SEC22B: variants seen among roughly 807,000 people sequenced by gnomAD.
The protein encoded by SEC22B is SEC22 homolog B, vesicle trafficking protein, also known as vesicle-trafficking protein SEC22b.
In SEC22B, 10 loss-of-function variants were observed where a neutral mutation model predicts 31.4. The ratio of observed to expected loss-of-function variants is 0.32; its 90% CI spans 0.20 to 0.54. The LOEUF is 0.54. Among genes scored for constraint, SEC22B ranks in the 20% least tolerant of loss-of-function variants. The pLI, the probability that SEC22B is intolerant of heterozygous loss-of-function variation, is 0.94. For synonymous variants in SEC22B, 60 were observed against 95.9 expected (o/e 0.63, Z 2.19); for missense variants, 130 against 263.4 (o/e 0.49, Z 3.50).
intron 1 of SEC22B, among the ~76,000 whole-genome samples, chr1:120,170,649 TA>T (rs1657880615): frequency 3.3e-5 from 5 of 149,582 alleles, no homozygotes. Flanking sequence ...ATTTGTTATA[TA>T]TTTGAGAAAT....
chr1:120,163,041 C>G (rs1416036734), intron 3 of SEC22B, among the ~76,000 whole-genome samples, 169 bp downstream of exon 3: 4 of 152,044 alleles, frequency 2.6e-5, no homozygotes, highest in Non-Finnish European at 5.9e-5. Flanking sequence ...CAGAACAAAG[C>G]CTTAGTCACT....
rs1657580879 is a variant in SEC22B, at chr1:120,153,573, T to A, written c.*3465A>T. On this transcript the variant is annotated 3_prime_UTR_variant, in exon 5 of 5. Transcript: ENST00000578049. Reference sequence around the variant, plus strand: ...AACAATTTTTTGCTGTGGAACCAGATCCTTGAATGCACTACAGGAAAATAT... The same window carrying A: ...AACAATTTTTTGCTGTGGAACCAGAACCTTGAATGCACTACAGGAAAATAT... 7.0e-6 allele frequency: 1 copy of A among 142,674 alleles called. No homozygotes were observed. The highest frequency in any genetic ancestry group is 1.5e-5 in the Non-Finnish European group (1 of 66,830). 8.8% of individuals were successfully genotyped at this position (142,674 alleles called of 1,614,324 possible).
chr1:120,176,419 G>A lies in SEC22B; in HGVS notation c.-38C>T, dbSNP rs1553230226. On this transcript the variant is annotated 5_prime_UTR_variant, in exon 1 of 5. Transcript: ENST00000578049. The stretch of plus-strand genomic sequence containing the variant: ...CAGGGATCCAACACTGGCCCGGAAG[G>A]CCCTTGGCGCCGTCCTCACTTCCTC... The A allele has an allele frequency of 3.2e-6, 5 of 1,584,492 alleles. No homozygotes were observed. The highest frequency in any genetic ancestry group is 4.3e-6 in the Non-Finnish European group (5 of 1,155,344).
chr1:120,155,912 G>A lies in SEC22B; in HGVS notation c.*1126C>T, dbSNP rs1241273995. On this transcript the variant is annotated 3_prime_UTR_variant, in exon 5 of 5. Coordinates refer to ENST00000578049, the MANE Select transcript of SEC22B (RefSeq NM_004892.6). ...CAGAACATTCTCAGAGAATTTACAC[G>A]AACTAAAACAGGAATGAAGTGCTCT... 10 of 151,190 alleles carry A rather than the reference G, an allele frequency of 6.6e-5. No individual in the cohort carries two copies. Among genetic ancestry groups the A allele is most frequent in the East Asian group, 2.0e-4 (1 of 5,120 alleles). 9.4% of individuals were successfully genotyped at this position (151,190 alleles called of 1,614,324 possible).
At chr1:120,166,997 C>T (rs1305967376) in intron 2 of SEC22B, among the ~76,000 whole-genome samples, 48 of 142,126 alleles carry the variant, frequency 3.4e-4, no homozygotes, top group African/African-American at 1.3e-3. Context: ...TACTCCCATC[C>T]TTGCCCTTTC....
At chr1:120,166,420 C>CACACACACAT (rs1553229709) in intron 2 of SEC22B, among the ~76,000 whole-genome samples, 328 of 149,244 alleles carry the variant, frequency 2.2e-3, no homozygotes, top group African/African-American at 6.8e-3. Context: ...CACACACACA[C>CACACACACAT]ACACACACAC....
In SEC22B at chr1:120,151,499, C is replaced by G. The variant is rs1450017422; in HGVS notation, c.*5539G>C. 1 of 152,140 alleles carries G rather than the reference C, an allele frequency of 6.6e-6. No individual in the cohort carries two copies. The highest frequency in any genetic ancestry group is 2.4e-5 in the African/African-American group (1 of 41,398). The allele number at this position is 152,140 out of a possible 1,614,324, so 9.4% of individuals were successfully genotyped here. A position where few individuals can be genotyped will look rare whatever the true frequency, so the allele number is the denominator to read the frequency against. ...AGTTCAAGACGGTGAAACTCCATCT[C>G]TACTAAAAATACAAAAATTAGCCAG... is the stretch of plus-strand genomic sequence containing the variant. On this transcript the variant is annotated 3_prime_UTR_variant, in exon 5 of 5. Coordinates refer to ENST00000578049, the MANE Select transcript of SEC22B (RefSeq NM_004892.6).
In SEC22B at chr1:120,156,322, T is replaced by C. The variant is rs1182739425; in HGVS notation, c.*716A>G. 2 of 151,700 alleles carry C rather than the reference T, an allele frequency of 1.3e-5. No individual in the cohort carries two copies. Among genetic ancestry groups the C allele is most frequent in the Non-Finnish European group, 2.9e-5 (2 of 67,872 alleles). The allele number at this position is 151,700 out of a possible 1,614,324, so 9.4% of individuals were successfully genotyped here. A position where few individuals can be genotyped will look rare whatever the true frequency, so the allele number is the denominator to read the frequency against. ...AATGACCCAAACTAATTTAAGTCTT[T>C]TGTTTAAGGAGTAAATGAGAGAAAC... is the stretch of plus-strand genomic sequence containing the variant. On this transcript the variant is annotated 3_prime_UTR_variant, in exon 5 of 5. Transcript: ENST00000578049.
chr1:120,167,702 C>G (rs1215439862), intron 2 of SEC22B, among the ~76,000 whole-genome samples: 147 of 151,912 alleles, frequency 9.7e-4, no homozygotes, highest in Non-Finnish European at 1.8e-3. Flanking sequence ...AAATGCAGGA[C>G]TCAATATAAG....
At chr1:120,162,867 C>A (rs1657741432) in intron 3 of SEC22B, among the ~76,000 whole-genome samples, 1 of 151,920 alleles carries the variant, frequency 6.6e-6, no homozygotes, top group Non-Finnish European at 1.5e-5. Flanking sequence ...AGTCTGTGGA[C>A]TGGGGTAAAG....
At chr1:120,176,122 C>T (rs1168073346) in intron 1 of SEC22B, among the ~76,000 whole-genome samples, 185 bp downstream of exon 1, 1 of 152,206 alleles carries the variant, frequency 6.6e-6, no homozygotes, top group Non-Finnish European at 1.5e-5. Context: ...CTTAACTCCT[C>T]CTTCAGGAAA....
Position 120,176,338 on chromosome 1 carries a change from G to C in SEC22B, c.44C>G (p.Pro15Arg). 1 of 1,612,690 alleles carries C rather than the reference G, an allele frequency of 6.2e-7. No homozygotes were observed. The highest frequency in any genetic ancestry group is 8.5e-7 in the Non-Finnish European group (1 of 1,179,750). ...TMIARVADGLPLAASMQEDEQ... is the reference protein window; with the variant it reads ...TMIARVADGLRLAASMQEDEQ... ...GTCCTCCTGCATCGAGGCGGCCAGC[G>C]GGAGCCCGTCCGCCACTCGGGCGAT... The change falls in exon 1 of 5, where the codon CCG becomes CGG. Residue 15 changes from proline (P) to arginine (R), a missense_variant. Physicochemically the swap from Pro to Arg is moderately radical, Grantham distance 103 (BLOSUM62 -2). This residue lies in a region of SEC22B where 32 missense variants were observed against 26.3 expected (regional missense o/e 1.22). Coordinates refer to ENST00000578049, the MANE Select transcript of SEC22B (RefSeq NM_004892.6).
At chr1:120,166,775 CT>C (rs1657819413) in intron 2 of SEC22B, among the ~76,000 whole-genome samples, 7 of 149,010 alleles carry the variant, frequency 4.7e-5, no homozygotes, top group Non-Finnish European at 8.9e-5. Flanking sequence ...TTTCAAAAAG[CT>C]ACAAGATTTT....
intron 4 of SEC22B, chr1:120,157,968 CTTA>C (rs1657656269): frequency 7.3e-6 from 1 of 137,156 alleles, no homozygotes; most frequent in Non-Finnish European, 1.5e-5. Context: ...TTGTTATCTT[CTTA>C]TAACAGTTAA....
Position 120,161,268 on chromosome 1 carries a change from G to T in SEC22B, c.347-738C>A, listed in dbSNP as rs1375752558. Among the ~76,000 whole-genome samples, 4 of 152,254 alleles carry T rather than the reference G, an allele frequency of 2.6e-5. No homozygotes were observed. In the East Asian group the frequency reaches 7.7e-4, roughly 29 times the overall value. The stretch of plus-strand genomic sequence containing the variant: ...TATTACAGCCTAACATGGCAAAAGG[G>T]TTCATGATCATTAAAAAGCTGAGAA... On this transcript the variant is annotated intron_variant, in intron 3 of 4. Transcript: ENST00000578049.
chr1:120,169,424 T>C (rs1657861811), intron 1 of SEC22B, among the ~76,000 whole-genome samples: 1 of 152,210 alleles, frequency 6.6e-6, no homozygotes, highest in East Asian at 1.9e-4. Context: ...TACTAGTGAC[T>C]GCAAATTATT....
chr1:120,161,440 T>A (rs1657716216), intron 3 of SEC22B, among the ~76,000 whole-genome samples: 3 of 152,026 alleles, frequency 2.0e-5, no homozygotes, highest in Admixed American at 6.6e-5. Flanking sequence ...CACGTATAAA[T>A]CCCAGCATTT....
At position 120,160,405 on chromosome 1, in the gene SEC22B, G is replaced by A; in HGVS notation, c.472C>T (p.Gln158Ter). Residue 158 changes from glutamine (Q) to a stop codon, truncating the protein, a stop_gained, in exon 4 of 5, where the codon CAA becomes TAA. Transcript: ENST00000578049. LOFTEE classifies it high-confidence loss of function. Reference protein sequence around the residue: ...IMVANIEEVLQRGEALSALDS... With the variant: ...IMVANIEEVL ...ATACCTGAGAGTGCTTCTCCTCGTT[G>A]TAACACTTCTTCAATATTGGCCACC... 1 of 1,612,010 alleles carries A rather than the reference G, an allele frequency of 6.2e-7. No individual in the cohort carries two copies. The highest frequency in any genetic ancestry group is 8.5e-7 in the Non-Finnish European group (1 of 1,178,864).
At chr1:120,169,966 T>C (rs1657869249) in intron 1 of SEC22B, among the ~76,000 whole-genome samples, 2 of 151,902 alleles carry the variant, frequency 1.3e-5, no homozygotes, top group South Asian at 2.1e-4. Context: ...AGAGCCCTCA[T>C]GAATGTGATT....
Sources: allele counts gnomAD v4.1 joint callset (sites outside exome capture counted in the v4.1 genomes callset), GRCh38; gene constraint gnomAD v4.1.1; regional missense constraint gnomAD v4.1.1; transcripts MANE v1.5; gene names NCBI Gene and HGNC (gene_info 2026-07-23, HGNC 2026-07-21).